QRICH2: variants seen among roughly 807,000 people sequenced by gnomAD.
The protein encoded by QRICH2 is glutamine-rich protein 2.
In QRICH2, 119 loss-of-function variants were observed where a neutral mutation model predicts 168.3. That is an observed-to-expected ratio of 0.71 (90% confidence interval 0.61 to 0.82). The LOEUF is 0.82. QRICH2 is among the 40% of genes least tolerant of loss of function. The pLI, the probability that QRICH2 is intolerant of heterozygous loss-of-function variation, is 0.00. For synonymous variants in QRICH2, 894 were observed against 951.2 expected, an observed-to-expected ratio of 0.94 and a Z score of 1.11; for missense variants, 2,241 against 2,491.6, an observed-to-expected ratio of 0.90 and a Z score of 2.14.
At chr17:76,299,456 G>A (rs1299011028) in intron 3 of QRICH2, among the ~76,000 whole-genome samples, 1 of 152,120 alleles carries the variant, frequency 6.6e-6, no homozygotes. Flanking sequence ...TGCAAGAGGG[G>A]CCGGGCGCGG....
chr17:76,278,122 G>A lies in QRICH2; in HGVS notation c.4984C>T (p.Arg1662Cys), dbSNP rs759590904. The part of the protein sequence containing the change: ...AQMEQSVGRL[R>C]SMHSKMLMNI... ...ATCAGCATCTTGGAGTGCATGGAGC[G>A]CAGGCGCCCCACGCTCTGCTCCATC... The change falls in exon 15 of 19, where the codon CGC (arginine) becomes TGC (cysteine). Residue 1662 changes from arginine to cysteine, a missense_variant. By Grantham distance (180) the Arg-to-Cys change is radical. Coordinates refer to ENST00000680821, the MANE Select transcript of QRICH2 (RefSeq NM_001388453.1). 19 of 1,613,138 alleles carry A rather than the reference G, an allele frequency of 1.2e-5. No homozygotes were observed. Among genetic ancestry groups the A allele is most frequent in the African/African-American group, 6.7e-5 (5 of 74,952 alleles).
rs376793574 is a variant in QRICH2, at chr17:76,280,413, A to G, written c.4500T>C (p.Arg1500=). The change falls in exon 11 of 19, where the codon CGT becomes CGC. Residue 1500 remains arginine (R), a synonymous_variant. Transcript: ENST00000680821. The surrounding 1 kb of genome is among the most constrained non-coding windows in gnomAD (Gnocchi z 7.4). ...DKSALATKVS[R]VQFDATTEQL... ...GCTCCGTGGTGGCATCAAACTGGAC[A>G]CGGCTCACTTTGGTGGCCAGAGCAC... 1 of 1,614,030 alleles carries G rather than the reference A, an allele frequency of 6.2e-7. No individual in the cohort carries two copies. Among genetic ancestry groups the G allele is most frequent in the African/African-American group, 1.3e-5 (1 of 74,936 alleles).
chr17:76,307,563 C>T lies in QRICH2; in HGVS notation c.436G>A (p.Glu146Lys). Residue 146 changes from glutamate to lysine, a missense_variant, in exon 1 of 19, where the codon GAG (glutamate) becomes AAG (lysine). This residue lies in a region of QRICH2 where 2,047 missense variants were observed against 2,303.8 expected (regional missense o/e 0.89). Coordinates refer to ENST00000680821, the MANE Select transcript of QRICH2 (RefSeq NM_001388453.1). This position sits in a 1 kb window ranked among gnomAD's most constrained non-coding sequence, Gnocchi z 5.3. ...QASGLDLAAL[E>K]WPEEQEVGVR... ...CCCACCTCCTGCTCCTCCGGCCACT[C>T]TAGCGCGGCCAGGTCAAGCCCGCTG... 2 of 1,580,006 alleles carry T rather than the reference C, an allele frequency of 1.3e-6. No homozygotes were observed. The highest frequency in any genetic ancestry group is 1.7e-6 in the Non-Finnish European group (2 of 1,162,892).
chr17:76,307,394 G>T lies in QRICH2; in HGVS notation c.534+71C>A. ...CCGCTCACCCCTCCAGGGTGGTGGG[G>T]ACTCGGCTAGGCCTGGAGGGCGGCC... On this transcript the variant is annotated intron_variant, in intron 1 of 18. Transcript: ENST00000680821. This position sits in a 1 kb window ranked among gnomAD's most constrained non-coding sequence, Gnocchi z 5.3. The T allele has an allele frequency of 6.5e-7, 1 of 1,546,916 alleles. No homozygotes were observed. The highest frequency in any genetic ancestry group is 8.9e-7 in the Non-Finnish European group (1 of 1,122,274).
Position 76,278,089 on chromosome 17 carries a change from C to CA in QRICH2, c.5016dup (p.Glu1673Ter). 2 of 1,613,890 alleles carry CA rather than the reference C, an allele frequency of 1.2e-6. No homozygotes were observed. Among genetic ancestry groups the CA allele is most frequent in the South Asian group, 1.1e-5 (1 of 91,082 alleles). ...CCCCCGAAGTGGATCTGCACCTTCT[C>CA]AATGTTCATCAGCATCTTGGAGTGC... On this transcript the variant is annotated frameshift_variant, in exon 15 of 19. Coordinates refer to ENST00000680821, the MANE Select transcript of QRICH2 (RefSeq NM_001388453.1). LOFTEE classifies it high-confidence loss of function.
intron 4 of QRICH2, 63 bp from the exon 5 acceptor site, chr17:76,290,140 T>C: frequency 8.0e-7 from 1 of 1,246,100 alleles, no homozygotes; most frequent in Non-Finnish European, 1.2e-6. Context: ...CCAATCTCCA[T>C]TTCCAGCCCC....
chr17:76,292,347 G>T lies in QRICH2; in HGVS notation c.2380C>A (p.Pro794Thr), dbSNP rs140306806. 2.6e-5 allele frequency: 40 copies of T among 1,523,900 alleles called. No homozygotes were observed. The highest frequency in any genetic ancestry group is 3.5e-5 in the Non-Finnish European group (40 of 1,133,648). The allele number at this position is 1,523,900 out of a possible 1,614,324, so 94.4% of individuals were successfully genotyped here. ...PGEVQRSLVQ[P>T]GIVQRGLVQP... Reference sequence around the variant, plus strand: ...ACCAAACCACGCTGAACTATACCAGGTTGCACCAAACTACGCTGAACTTCA... The same window carrying T: ...ACCAAACCACGCTGAACTATACCAGTTTGCACCAAACTACGCTGAACTTCA... The change falls in exon 4 of 19, where the codon CCT becomes ACT. Residue 794 changes from proline (P) to threonine (T), a missense_variant. Transcript: ENST00000680821.
At position 76,294,016 on chromosome 17, in the gene QRICH2, T is replaced by A. The variant is rs7225131; in HGVS notation, c.711A>T (p.Ser237=). The part of the protein sequence containing the change: ...TDGWRASQAG[S]ETLMGFSKHG... ...GCTTAGAAAATCCCATAAGTGTTTC[T>A]GAGCCCTGGTTGGAGAGGAAGAAGG... The change falls in exon 4 of 19, where the codon TCA becomes TCT. Residue 237 remains serine (S), a synonymous_variant. Coordinates refer to ENST00000680821, the MANE Select transcript of QRICH2 (RefSeq NM_001388453.1). The A allele has an allele frequency of 0.32, 509,466 of 1,596,580 alleles. 88,988 individuals are homozygous for A. The highest frequency in any genetic ancestry group is 0.66 in the African/African-American group (49,216 of 74,354).
In QRICH2 at chr17:76,291,874, T is replaced by A. The variant is rs771801363; in HGVS notation, c.2853A>T (p.Leu951Phe). The A allele has an allele frequency of 1.9e-6, 3 of 1,613,814 alleles. No homozygotes were observed. The African/African-American group carries it at 4.0e-5, about 22-fold the overall frequency. ...LVQPGAYLHD[L>F]SQSGTYPRGL... ...CACGTGGATATGTCCCAGATTGAGA[T>A]AAATCATGCAAATATGCACCAGGTT... The change falls in exon 4 of 19, where the codon TTA (leucine) becomes TTT (phenylalanine). Residue 951 changes from leucine to phenylalanine, a missense_variant. By Grantham distance (22) the Leu-to-Phe change is conservative. This residue lies in a region of QRICH2 where 2,047 missense variants were observed against 2,303.8 expected (regional missense o/e 0.89). Transcript: ENST00000680821.
intron 1 of QRICH2, 148 bp from the exon 2 acceptor site, chr17:76,305,089 G>T (rs1486382445): frequency 1.6e-5 from 11 of 667,730 alleles, no homozygotes; most frequent in Non-Finnish European, 3.0e-5. Flanking sequence ...AGTGCCAGGA[G>T]ACGAGGAAAG....
intron 7 of QRICH2, among the ~76,000 whole-genome samples, chr17:76,285,615 G>A (rs1308851181): frequency 1.3e-5 from 2 of 151,706 alleles, no homozygotes; most frequent in African/African-American, 2.4e-5. Context: ...TTGGGAGACC[G>A]AGGCGGGTGG....
At chr17:76,295,958 C>T (rs2070786629) in intron 3 of QRICH2, among the ~76,000 whole-genome samples, 2 of 152,204 alleles carry the variant, frequency 1.3e-5, no homozygotes, top group Non-Finnish European at 2.9e-5. Context: ...GGCGCAGTGG[C>T]TCACGCCTGT....
intron 17 of QRICH2, 82 bp from the exon 18 acceptor site, chr17:76,276,029 C>T (rs988474900): frequency 5.3e-5 from 81 of 1,530,886 alleles, no homozygotes; most frequent in Middle Eastern, 2.4e-4. Flanking sequence ...GGGAGAGGGC[C>T]GCAGGGCTGC....
intron 5 of QRICH2, among the ~76,000 whole-genome samples, chr17:76,288,606 G>A (rs2070933943): frequency 6.6e-6 from 1 of 151,968 alleles, no homozygotes; most frequent in Non-Finnish European, 1.5e-5. Flanking sequence ...TTGGGAGGCT[G>A]AGGCATGAGA....
intron 3 of QRICH2, among the ~76,000 whole-genome samples, chr17:76,302,410 A>G (rs1324075499): frequency 6.6e-6 from 1 of 150,882 alleles, no homozygotes; most frequent in Admixed American, 6.7e-5. Context: ...TGCTGAATAT[A>G]AACTCCCAAA....
In QRICH2 at chr17:76,280,729, C is replaced by A. The variant is rs2070772293; in HGVS notation, c.4387-1G>T. ...GCTTCTCCAGACCCTGGTACAGCAT[C>A]TGGGGAGGCCAAGTGAACAGAGAAA... On this transcript the variant is annotated splice_acceptor_variant, in intron 9 of 18. Coordinates refer to ENST00000680821, the MANE Select transcript of QRICH2 (RefSeq NM_001388453.1). LOFTEE classifies it high-confidence loss of function. The surrounding 1 kb of genome is among the most constrained non-coding windows in gnomAD (Gnocchi z 7.4). The A allele has an allele frequency of 6.2e-7, 1 of 1,614,172 alleles. No individual in the cohort carries two copies. The highest frequency in any genetic ancestry group is 8.5e-7 in the Non-Finnish European group (1 of 1,180,032).
rs146819251 is a variant in QRICH2 at position 76,307,584 on chromosome 17, C to A, written c.415G>T (p.Gly139Trp). The part of the protein sequence containing the change: ...THVQHFSQAS[G>W]LDLAALEWPE... ...CACTCTAGCGCGGCCAGGTCAAGCC[C>A]GCTGGCCTGGGAGAAGTGCTGCACG... The change falls in exon 1 of 19, where the codon GGG (glycine) becomes TGG (tryptophan). Residue 139 changes from glycine to tryptophan, a missense_variant. By Grantham distance (184) the Gly-to-Trp change is radical. This residue lies in a region of QRICH2 where 2,047 missense variants were observed against 2,303.8 expected (regional missense o/e 0.89). Transcript: ENST00000680821. This position sits in a 1 kb window ranked among gnomAD's most constrained non-coding sequence, Gnocchi z 5.3. 6.7e-4 allele frequency: 1,051 copies of A among 1,562,634 alleles called. 16 individuals are homozygous for A. In the African/African-American group the frequency reaches 0.013, roughly 19 times the overall value.
At position 76,279,103 on chromosome 17, in the gene QRICH2, C is replaced by G; in HGVS notation, c.4854G>C (p.Gly1618=). ...PVTPAGPGLP[G]HHSIRPYTVF... ...CCGTGTAGGGGCGGATGGAATGGTGCCCAGGTAGGCCTGGACCCGCGGGGG... is the reference window on the plus strand; with the variant it reads ...CCGTGTAGGGGCGGATGGAATGGTGGCCAGGTAGGCCTGGACCCGCGGGGG... Residue 1618 remains glycine (G), a synonymous_variant, in exon 14 of 19, where the codon GGG becomes GGC. Coordinates refer to ENST00000680821, the MANE Select transcript of QRICH2 (RefSeq NM_001388453.1). 1.2e-6 allele frequency: 2 copies of G among 1,613,786 alleles called. No individual in the cohort carries two copies. Among genetic ancestry groups the G allele is most frequent in the South Asian group, 1.1e-5 (1 of 91,064 alleles).
At chr17:76,306,741 G>A (rs1482272438) in intron 1 of QRICH2, among the ~76,000 whole-genome samples, 1 of 152,054 alleles carries the variant, frequency 6.6e-6, no homozygotes, top group Non-Finnish European at 1.5e-5. Context: ...ACAAATATTA[G>A]CCAGGCGGGG....
Sources: gnomAD v4.1 joint callset for allele counts (sites outside exome capture counted in the v4.1 genomes callset) on GRCh38, gnomAD v4.1.1 for gene constraint, gnomAD v4.1.1 regional missense constraint, Gnocchi (gnomAD v3.1) non-coding constraint, MANE v1.5 for transcripts, NCBI Gene and HGNC (gene_info 2026-07-23, HGNC 2026-07-21) for gene names.